The following RCC1 variants were observed in gnomAD, a reference collection of about 807,000 sequenced individuals.
RCC1 encodes the protein regulator of chromosome condensation 1.
Under a neutral mutation model 44.4 loss-of-function variants are expected in RCC1, and 11 were observed. The observed-to-expected ratio is 0.25, with a 90% CI of 0.16 to 0.41. The LOEUF (loss-of-function observed/expected upper bound fraction) is 0.41, where lower values mean the gene tolerates loss of function less well. Among genes scored for constraint, RCC1 ranks in the 10% least tolerant of loss-of-function variants. RCC1 has a pLI of 1.00. For synonymous variants in RCC1, 213 were observed against 216.5 expected (o/e 0.98, Z 0.14); for missense variants, 386 against 547.1 (o/e 0.71, Z 2.94).
intron 4 of RCC1, among the ~76,000 whole-genome samples, chr1:28,527,774 C>G (rs1011061402): frequency 1.3e-5 from 2 of 150,296 alleles, no homozygotes; most frequent in African/African-American, 4.9e-5. Context: ...CTTTGGGAGG[C>G]CAAGGTGGGT....
intron 2 of RCC1, 140 bp from the exon 3 acceptor site, chr1:28,508,690 G>T (rs373531637): frequency 1.3e-5 from 7 of 518,914 alleles, no homozygotes; most frequent in Non-Finnish European, 2.7e-5. Context: ...TCGTGTCTGC[G>T]CCTGCATATT....
At chr1:28,518,610 C>G (rs891865225) in intron 4 of RCC1, 1 of 150,864 alleles carries the variant, frequency 6.6e-6, no homozygotes, top group Non-Finnish European at 1.5e-5. Context: ...GCGGGAGATT[C>G]AAACTGCGCG....
chr1:28,530,685 G>C (rs1041459948), intron 5 of RCC1: 12 of 1,342,758 alleles, frequency 8.9e-6, no homozygotes, highest in Non-Finnish European at 1.2e-5. Flanking sequence ...CATCCTCGGG[G>C]GAGGGGCTGG....
intron 12 of RCC1, 94 bp from the exon 13 acceptor site, chr1:28,537,738 G>A: frequency 1.5e-6 from 2 of 1,324,458 alleles, no homozygotes; most frequent in Non-Finnish European, 2.0e-6. Flanking sequence ...ATTGGCCAAG[G>A]CCACAGTCCA....
intron 3 of RCC1, among the ~76,000 whole-genome samples, chr1:28,514,906 C>A (rs1254412980): frequency 6.6e-6 from 1 of 152,242 alleles, no homozygotes; most frequent in East Asian, 1.9e-4. Context: ...TTCCATTTCT[C>A]ACTATATAGT....
intron 4 of RCC1, among the ~76,000 whole-genome samples, chr1:28,523,027 CTTTTT>C (rs775851239): frequency 3.3e-5 from 3 of 91,036 alleles, no homozygotes; most frequent in African/African-American, 4.4e-5. Context: ...GAAGAAATTT[CTTTTT>C]TTTTTTTTTT....
At chr1:28,529,092 C>G (rs1458434070) in intron 4 of RCC1, among the ~76,000 whole-genome samples, 1 of 121,440 alleles carries the variant, frequency 8.2e-6, no homozygotes, top group African/African-American at 3.2e-5. Flanking sequence ...CCAGGCTGGT[C>G]TCGAACTCCT....
At chr1:28,510,597 CAAAA>C (rs888714073) in intron 3 of RCC1, 3 of 151,788 alleles carry the variant, frequency 2.0e-5, no homozygotes, top group East Asian at 1.9e-4. Context: ...AGTTAAGTCT[CAAAA>C]AAAAGGCATC....
At position 28,511,667 on chromosome 1, in the gene RCC1, CT is replaced by C. The variant is rs1372445552; in HGVS notation, c.-153+2774del. On this transcript the variant is annotated intron_variant, in intron 3 of 12. Coordinates refer to ENST00000683442, the MANE Select transcript of RCC1 (RefSeq NM_001381865.2). ...TACAGGCGTCAGCCACCATGCCCAG[CT>C]TTTTTTTTTTTGAGATCTAATCTCA... 9.4e-3 allele frequency among the ~76,000 whole-genome samples: 1,359 copies of C among 144,852 alleles called. 20 individuals are homozygous for C. The highest frequency in any genetic ancestry group is 0.028 in the African/African-American group (1,130 of 39,896).
At chr1:28,508,027 TC>T in intron 1 of RCC1, 100 bp from the exon 2 acceptor site, 1 of 369,504 alleles carries the variant, frequency 2.7e-6, no homozygotes. Context: ...AAACCTATAC[TC>T]CAGTGCCACT....
At chr1:28,518,143 G>C (rs796251832) in intron 4 of RCC1, 1 of 152,144 alleles carries the variant, frequency 6.6e-6, no homozygotes, top group Non-Finnish European at 1.5e-5. Flanking sequence ...CCCCCAGCCC[G>C]GGAGCGCGCC....
chr1:28,515,729 AAAATAC>A (rs1302380712), intron 3 of RCC1, among the ~76,000 whole-genome samples: 1 of 151,726 alleles, frequency 6.6e-6, no homozygotes, highest in Non-Finnish European at 1.5e-5. Flanking sequence ...AATAAAATAA[AAAATAC>A]AAATACAAAA....
chr1:28,522,220 C>T (rs903956358), intron 4 of RCC1, among the ~76,000 whole-genome samples: 14 of 152,052 alleles, frequency 9.2e-5, no homozygotes, highest in Admixed American at 4.6e-4. Context: ...CTTTGAGACA[C>T]CAGTAGATGT....
chr1:28,506,338 C>A, intron 1 of RCC1: 1 of 401,626 alleles, frequency 2.5e-6, no homozygotes, highest in Non-Finnish European at 4.9e-6. Flanking sequence ...GCACGTGCCA[C>A]CACGCCCGGC....
chr1:28,536,483 C>A lies in RCC1; in HGVS notation c.937+102C>A. 2 of 1,446,814 alleles carry A rather than the reference C, an allele frequency of 1.4e-6. No homozygotes were observed. The highest frequency in any genetic ancestry group is 1.9e-6 in the Non-Finnish European group (2 of 1,070,682). 89.6% of individuals were successfully genotyped at this position (1,446,814 alleles called of 1,614,324 possible). On this transcript the variant is annotated intron_variant, in intron 11 of 12. Transcript: ENST00000683442. The surrounding 1 kb of genome is among the most constrained non-coding windows in gnomAD (Gnocchi z 4.9). ...TGGTCCTTGGAGCCTGGGTCTGTTC[C>A]ATGGGTTGTACCATACATGGGTCCA...
At chr1:28,516,539 C>G (rs1455025200) in intron 3 of RCC1, among the ~76,000 whole-genome samples, 186 bp from the exon 4 acceptor site, 1 of 151,680 alleles carries the variant, frequency 6.6e-6, no homozygotes, top group African/African-American at 2.4e-5. Context: ...CTCCTTCCAC[C>G]ACTTGTGTGA....
intron 3 of RCC1, 61 bp downstream of exon 3, chr1:28,508,966 A>G (rs757215656): frequency 2.2e-6 from 1 of 464,810 alleles, no homozygotes; most frequent in Non-Finnish European, 4.3e-6. Context: ...CTTGGAGCAA[A>G]AGATTGAGGT....
rs990648467 is a variant in RCC1, at chr1:28,522,259, C to T, written c.-10+5392C>T. ...TCCAGTGGGATAAGGGATGGGAAGGCGTTCCAGGTAAAGAGATGCAAATAG... is the reference window on the plus strand; with the variant it reads ...TCCAGTGGGATAAGGGATGGGAAGGTGTTCCAGGTAAAGAGATGCAAATAG... On this transcript the variant is annotated intron_variant, in intron 4 of 12. Coordinates refer to ENST00000683442, the MANE Select transcript of RCC1 (RefSeq NM_001381865.2). Among the ~76,000 whole-genome samples the T allele has an allele frequency of 2.6e-5, 4 of 152,174 alleles. No homozygotes were observed. The East Asian group carries it at 5.8e-4, about 22-fold the overall frequency.
chr1:28,530,713 G>C (rs1664093201), intron 5 of RCC1: 5 of 1,015,636 alleles, frequency 4.9e-6, no homozygotes, highest in Admixed American at 2.8e-5. Flanking sequence ...TGGCTGCCCG[G>C]GGCTGCGGGT....
Sources: gnomAD v4.1 joint callset for allele counts (sites outside exome capture counted in the v4.1 genomes callset) on GRCh38, gnomAD v4.1.1 for gene constraint, Gnocchi (gnomAD v3.1) non-coding constraint, MANE v1.5 for transcripts, NCBI Gene and HGNC (gene_info 2026-07-23, HGNC 2026-07-21) for gene names.